The following STAM variants were observed in gnomAD, a reference collection of about 807,000 sequenced individuals.
The protein encoded by STAM is signal transducing adaptor molecule, also known as signal transducing adapter molecule 1.
A neutral mutation model predicts 63.4 loss-of-function variants in STAM; 16 were observed. The observed-to-expected ratio is 0.25, with a 90% confidence interval of 0.17 to 0.38. The LOEUF (loss-of-function observed/expected upper bound fraction) is 0.38. Ranked by LOEUF, STAM falls within the 10% of genes least tolerant of loss-of-function variation. The probability of loss-of-function intolerance (pLI) is 1.00; values close to 1 mark genes in which losing one functional copy is unlikely to be tolerated. For synonymous variants in STAM, 238 were observed against 223.9 expected, an observed-to-expected ratio of 1.06 and a Z score of -0.56; for missense variants, 636 against 657.1, an observed-to-expected ratio of 0.97 and a Z score of 0.35.
At position 17,698,437 on chromosome 10, in the gene STAM, G is replaced by T. The variant is rs370446198; in HGVS notation, c.823+1568G>T. 7.2e-3 allele frequency among the ~76,000 whole-genome samples: 1,063 copies of T among 148,204 alleles called. 1 individual carries two copies. Among genetic ancestry groups the T allele is most frequent in the Middle Eastern group, 0.025 (7 of 280 alleles). On this transcript the variant is annotated intron_variant, in intron 8 of 13. Coordinates refer to ENST00000377524, the MANE Select transcript of STAM (RefSeq NM_003473.4). Reference sequence around the variant, plus strand: ...CCATTTCATCTTTTTTTTTTTTTAAGTCATATAGCAATGCAGCTTCAATAT... The same window carrying T: ...CCATTTCATCTTTTTTTTTTTTTAATTCATATAGCAATGCAGCTTCAATAT...
chr10:17,705,538 T>C (rs782701137), intron 11 of STAM, 50 bp from the exon 12 acceptor site: 1 of 1,571,378 alleles, frequency 6.4e-7, no homozygotes, highest in Non-Finnish European at 8.6e-7. Flanking sequence ...TTTAGAGCAT[T>C]ATATCATTTT....
chr10:17,658,628 A>G (rs1554822468), intron 1 of STAM, among the ~76,000 whole-genome samples: 1 of 151,918 alleles, frequency 6.6e-6, no homozygotes, highest in Non-Finnish European at 1.5e-5. Flanking sequence ...CTCCTATCTC[A>G]GCCTCCTGAG....
chr10:17,653,676 A>G (rs182017499), intron 1 of STAM, among the ~76,000 whole-genome samples: 230 of 152,386 alleles, frequency 1.5e-3, no homozygotes, highest in African/African-American at 5.1e-3. Context: ...TATACAGTAT[A>G]GTTATTTACA....
chr10:17,670,293 A>T (rs1406489525), intron 2 of STAM, among the ~76,000 whole-genome samples: 1 of 152,232 alleles, frequency 6.6e-6, no homozygotes, highest in Non-Finnish European at 1.5e-5. Context: ...GACTTATAGA[A>T]TTCTGATGAC....
chr10:17,713,878 T>G (rs1836676189), intron 13 of STAM, among the ~76,000 whole-genome samples: 1 of 152,094 alleles, frequency 6.6e-6, no homozygotes, highest in African/African-American at 2.4e-5. Context: ...GTCCTTATTG[T>G]GGCCATCAGG....
intron 2 of STAM, among the ~76,000 whole-genome samples, chr10:17,660,829 A>G (rs535710862): frequency 6.6e-6 from 1 of 152,356 alleles, no homozygotes; most frequent in Admixed American, 6.5e-5. Context: ...GAATATTTTT[A>G]TTAAAAAGAT....
intron 1 of STAM, among the ~76,000 whole-genome samples, chr10:17,648,391 G>A (rs782738528): frequency 2.0e-5 from 3 of 152,144 alleles, no homozygotes; most frequent in Non-Finnish European, 4.4e-5. Flanking sequence ...GGACATGGGC[G>A]GGGACAAATA....
In STAM at chr10:17,684,855, CTG is replaced by C; in HGVS notation, c.228_229del (p.Cys76TrpfsTer15). On this transcript the variant is annotated frameshift_variant, in exon 4 of 14. Transcript: ENST00000377524. LOFTEE classifies it high-confidence loss of function. ...LTLLGACVSN[C>X]GKIFHLEVCS... ...AGCTTCTAGGAGCATGTGTATCAAACTGTGGCAAAATTTTTCATTTAGAAGTA... is the reference window on the plus strand; with the variant it reads ...AGCTTCTAGGAGCATGTGTATCAAACTGGCAAAATTTTTCATTTAGAAGTA... 6.2e-7 allele frequency: 1 copy of C among 1,613,996 alleles called. No individual in the cohort carries two copies. Among genetic ancestry groups the C allele is most frequent in the Non-Finnish European group, 8.5e-7 (1 of 1,179,932 alleles).
chr10:17,669,306 G>A (rs1472827343), intron 2 of STAM, among the ~76,000 whole-genome samples: 2 of 147,946 alleles, frequency 1.4e-5, no homozygotes, highest in Non-Finnish European at 3.0e-5. Flanking sequence ...CTACCACATG[G>A]TTTTAATTAT....
intron 12 of STAM, among the ~76,000 whole-genome samples, chr10:17,706,840 T>C (rs1418261764): frequency 6.6e-6 from 1 of 151,910 alleles, no homozygotes; most frequent in Non-Finnish European, 1.5e-5. Context: ...CTAAGAAAAC[T>C]CTCTTAAATA....
At chr10:17,662,130 T>C (rs186240125) in intron 2 of STAM, among the ~76,000 whole-genome samples, 256 of 152,320 alleles carry the variant, frequency 1.7e-3, no homozygotes, top group African/African-American at 5.9e-3. Flanking sequence ...AGTTGCCGTA[T>C]AACAGCTGTG....
In STAM at chr10:17,703,198, T is replaced by C. The variant is rs144521118; in HGVS notation, c.913-1233T>C. ...ACTCTCACTTTCATTTGACCTTTTT[T>C]TGTGTGTGGTAGGCAAACTTTCTTG... On this transcript the variant is annotated intron_variant, in intron 9 of 13. Coordinates refer to ENST00000377524, the MANE Select transcript of STAM (RefSeq NM_003473.4). Among the ~76,000 whole-genome samples, 56 of 152,156 alleles carry C rather than the reference T, an allele frequency of 3.7e-4. No homozygotes were observed. The East Asian group carries it at 0.01, about 28-fold the overall frequency.
intron 1 of STAM, among the ~76,000 whole-genome samples, chr10:17,654,374 C>G (rs1348014828): frequency 1.3e-5 from 2 of 152,060 alleles, no homozygotes; most frequent in Non-Finnish European, 2.9e-5. Context: ...ATGCGCCCAC[C>G]ACCAAGCCTG....
chr10:17,644,236 T>A lies in STAM; in HGVS notation c.-104T>A. 1.6e-6 allele frequency: 2 copies of A among 1,254,514 alleles called. No homozygotes were observed. The highest frequency in any genetic ancestry group is 2.5e-5 in the South Asian group (2 of 81,554). 77.7% of individuals were successfully genotyped at this position (1,254,514 alleles called of 1,614,324 possible). A position where few individuals can be genotyped will look rare whatever the true frequency, so the allele number is the denominator to read the frequency against. On this transcript the variant is annotated 5_prime_UTR_variant, in exon 1 of 14. Transcript: ENST00000377524. ...GCTGTCGCGGACCCTGTAGAGTCGG[T>A]CTCTGTTGCTCTTTTTGCCTGAGGA...
At chr10:17,653,669 A>C (rs1589024564) in intron 1 of STAM, among the ~76,000 whole-genome samples, 1 of 152,340 alleles carries the variant, frequency 6.6e-6, no homozygotes, top group South Asian at 2.1e-4. Context: ...TATGCCCTAT[A>C]CAGTATAGTT....
At chr10:17,700,665 T>A (rs187837697) in intron 9 of STAM, among the ~76,000 whole-genome samples, 2 of 152,118 alleles carry the variant, frequency 1.3e-5, no homozygotes, top group Admixed American at 1.3e-4. Flanking sequence ...AGTTGAAGGA[T>A]TTGTGTATTT....
intron 13 of STAM, among the ~76,000 whole-genome samples, chr10:17,713,579 T>A (rs1836659580): frequency 6.6e-6 from 1 of 152,172 alleles, no homozygotes; most frequent in African/African-American, 2.4e-5. Flanking sequence ...CTCTACCAGT[T>A]ATTTCTACCA....
In STAM at chr10:17,672,901, G is replaced by A. The variant is rs907893703; in HGVS notation, c.126-11774G>A. On this transcript the variant is annotated intron_variant, in intron 2 of 13. Coordinates refer to ENST00000377524, the MANE Select transcript of STAM (RefSeq NM_003473.4). ...ATTTTTAGGTGGAAAACTGGGAAAA[G>A]TGAGAGATAATTCTCCTTTCCCTGT... The A allele has an allele frequency of 1.7e-5, 6 of 343,968 alleles. No homozygotes were observed. The Admixed American group carries it at 3.9e-4, about 22-fold the overall frequency. The allele number at this position is 343,968 out of a possible 1,614,324, so 21.3% of individuals were successfully genotyped here.
At chr10:17,697,099 A>T (rs906588240) in intron 8 of STAM, among the ~76,000 whole-genome samples, 2 of 151,840 alleles carry the variant, frequency 1.3e-5, no homozygotes, top group African/African-American at 4.8e-5. Flanking sequence ...TTGTGTGTGT[A>T]TGTATTTTTA....
Sources: allele counts gnomAD v4.1 joint callset (sites outside exome capture counted in the v4.1 genomes callset), GRCh38; gene constraint gnomAD v4.1.1; transcripts MANE v1.5; gene names NCBI Gene and HGNC (gene_info 2026-07-23, HGNC 2026-07-21).